NGFR: variants seen among roughly 807,000 people sequenced by gnomAD.
The protein encoded by NGFR is tumor necrosis factor receptor superfamily member 16.
NGFR carries 30 observed loss-of-function variants against 43.2 expected under a neutral mutation model. The observed-to-expected ratio is 0.69, with a 90% CI of 0.52 to 0.94. The LOEUF is 0.94. Among genes scored for constraint, NGFR ranks in the 40% least tolerant of loss-of-function variants. NGFR has a pLI of 0.00. For missense variants in NGFR, 529 were observed against 602.5 expected, an observed-to-expected ratio of 0.88 and a Z score of 1.28; for synonymous variants, 246 against 259.6, an observed-to-expected ratio of 0.95 and a Z score of 0.50.
rs2071237848 is a variant in NGFR, at chr17:49,512,177, A to G, written c.982+125A>G. 3 of 1,199,960 alleles carry G rather than the reference A, an allele frequency of 2.5e-6. No homozygotes were observed. The highest frequency in any genetic ancestry group is 1.5e-5 in the African/African-American group (1 of 65,032). The allele number at this position is 1,199,960 out of a possible 1,614,324, so 74.3% of individuals were successfully genotyped here. ...GGCTGGCTCAGCGGTGCCCCTGTAG[A>G]TGGATGGAGAGGCTGGCCGAGGGGA... On this transcript the variant is annotated intron_variant, in intron 5 of 5. Transcript: ENST00000172229. The surrounding 1 kb of genome is among the most constrained non-coding windows in gnomAD (Gnocchi z 5.2).
chr17:49,500,460 T>G (rs2071161578), intron 1 of NGFR, among the ~76,000 whole-genome samples: 1 of 152,164 alleles, frequency 6.6e-6, no homozygotes, highest in South Asian at 2.1e-4. Context: ...AGGGAGTCTA[T>G]AAAGTTCAGG....
chr17:49,499,690 C>G (rs1023215346), intron 1 of NGFR, among the ~76,000 whole-genome samples: 1 of 152,128 alleles, frequency 6.6e-6, no homozygotes, highest in Non-Finnish European at 1.5e-5. Context: ...TGGGTTCAAG[C>G]GATTCTCCTG....
At chr17:49,508,112 G>T (rs950089599) in intron 3 of NGFR, among the ~76,000 whole-genome samples, 2 of 152,258 alleles carry the variant, frequency 1.3e-5, no homozygotes, top group Non-Finnish European at 2.9e-5. Context: ...GTAGGATGTG[G>T]TGGTTCTGTT....
chr17:49,498,451 A>C (rs2071150816), intron 1 of NGFR, among the ~76,000 whole-genome samples: 1 of 152,178 alleles, frequency 6.6e-6, no homozygotes, highest in Non-Finnish European at 1.5e-5. Flanking sequence ...AAGGCCCTCC[A>C]GGTGTTTGAA....
intron 3 of NGFR, among the ~76,000 whole-genome samples, chr17:49,506,926 G>A (rs2071203331): frequency 6.6e-6 from 1 of 152,186 alleles, no homozygotes; most frequent in African/African-American, 2.4e-5. Flanking sequence ...CAGCGTCCCA[G>A]GCCGCGGGTA....
intron 3 of NGFR, among the ~76,000 whole-genome samples, chr17:49,509,402 G>A (rs1175758781): frequency 6.6e-6 from 1 of 152,192 alleles, no homozygotes; most frequent in African/African-American, 2.4e-5. Context: ...GACGGGGTAG[G>A]CAACATTGCC....
chr17:49,503,979 G>A (rs2071181956), intron 2 of NGFR, among the ~76,000 whole-genome samples: 1 of 152,148 alleles, frequency 6.6e-6, no homozygotes, highest in Non-Finnish European at 1.5e-5. Context: ...CAGGCAGAGA[G>A]GTGGCTTTGA....
Position 49,510,605 on chromosome 17 carries a change from C to G in NGFR, c.762C>G (p.Val254=). 6.2e-7 allele frequency: 1 copy of G among 1,614,000 alleles called. No homozygotes were observed. Among genetic ancestry groups the G allele is most frequent in the Non-Finnish European group, 8.5e-7 (1 of 1,179,958 alleles). Residue 254 remains valine (V), a synonymous_variant, in exon 4 of 6, where the codon GTC becomes GTG. Coordinates refer to ENST00000172229, the MANE Select transcript of NGFR (RefSeq NM_002507.4). Reference sequence around the variant, plus strand: ...GCACCACCGACAACCTCATCCCTGTCTATTGCTCCATCCTGGCTGCTGTGG... The same window carrying G: ...GCACCACCGACAACCTCATCCCTGTGTATTGCTCCATCCTGGCTGCTGTGG... ...TRGTTDNLIP[V]YCSILAAVVV...
At chr17:49,502,008 C>G (rs1043327134) in intron 1 of NGFR, 55 bp from the exon 2 acceptor site, 4 of 743,072 alleles carry the variant, frequency 5.4e-6, no homozygotes, top group Non-Finnish European at 7.7e-6. Context: ...GAACCCCCCC[C>G]AACCCACCCC....
At chr17:49,496,870 C>T (rs541599436) in intron 1 of NGFR, 42 of 152,346 alleles carry the variant, frequency 2.8e-4, no homozygotes, top group African/African-American at 9.9e-4. Flanking sequence ...ACGAGATTGT[C>T]AGATGTGGCC....
chr17:49,501,916 C>A (rs2071168607), intron 1 of NGFR, 147 bp from the exon 2 acceptor site: 2 of 710,830 alleles, frequency 2.8e-6, no homozygotes, highest in African/African-American at 1.8e-5. Flanking sequence ...TTTGATGTTC[C>A]TAACGCCTCC....
chr17:49,512,589 C>A lies in NGFR; in HGVS notation c.983-119C>A. On this transcript the variant is annotated intron_variant, in intron 5 of 5. Coordinates refer to ENST00000172229, the MANE Select transcript of NGFR (RefSeq NM_002507.4). The surrounding 1 kb of genome is among the most constrained non-coding windows in gnomAD (Gnocchi z 5.2). ...GCCCCACCCAGGACCTTGTCTTGGC[C>A]CCAGGCCTCCAGATGGGGAGGAGCA... The A allele has an allele frequency of 7.5e-7, 1 of 1,327,846 alleles. No homozygotes were observed. The highest frequency in any genetic ancestry group is 1.0e-6 in the Non-Finnish European group (1 of 969,928). The allele number at this position is 1,327,846 out of a possible 1,614,324, so 82.3% of individuals were successfully genotyped here.
At chr17:49,510,380 TG>T (rs1238345440) in intron 3 of NGFR, 31 bp from the exon 4 acceptor site, 2 of 1,606,098 alleles carry the variant, frequency 1.2e-6, no homozygotes, top group African/African-American at 2.7e-5. Flanking sequence ...GTGGGGGAAG[TG>T]GGTCCTCACT....
In NGFR at chr17:49,506,336, G is replaced by A. The variant is rs1434649393; in HGVS notation, c.246G>A (p.Pro82=). Residue 82 remains proline, a synonymous_variant, in exon 3 of 6, where the codon CCG becomes CCA. Transcript: ENST00000172229. ...TFSDVVSATE[P]CKPCTECVGL... Reference sequence around the variant, plus strand: ...CCGACGTGGTGAGCGCGACCGAGCCGTGCAAGCCGTGCACCGAGTGCGTGG... The same window carrying A: ...CCGACGTGGTGAGCGCGACCGAGCCATGCAAGCCGTGCACCGAGTGCGTGG... The A allele has an allele frequency of 2.5e-6, 4 of 1,583,246 alleles. No individual in the cohort carries two copies. Among genetic ancestry groups the A allele is most frequent in the South Asian group, 1.1e-5 (1 of 89,892 alleles).
intron 1 of NGFR, 63 bp from the exon 2 acceptor site, chr17:49,502,000 A>AGGGGCCCCCCCCCCCC: frequency 1.9e-5 from 5 of 264,886 alleles, no homozygotes; most frequent in Non-Finnish European, 3.2e-5. Context: ...CCCCGGAAGA[A>AGGGGCCCCCCCCCCCC]CCCCCCCCAA....
In NGFR at chr17:49,512,561, G is replaced by A; in HGVS notation, c.983-147G>A. 9.6e-7 allele frequency: 1 copy of A among 1,041,710 alleles called. No homozygotes were observed. Among genetic ancestry groups the A allele is most frequent in the Non-Finnish European group, 1.4e-6 (1 of 719,900 alleles). The allele number at this position is 1,041,710 out of a possible 1,614,324, so 64.5% of individuals were successfully genotyped here. A position where few individuals can be genotyped will look rare whatever the true frequency, so the allele number is the denominator to read the frequency against. On this transcript the variant is annotated intron_variant, in intron 5 of 5. Coordinates refer to ENST00000172229, the MANE Select transcript of NGFR (RefSeq NM_002507.4). The surrounding 1 kb of genome is among the most constrained non-coding windows in gnomAD (Gnocchi z 5.2). ...GTCCCCCCAGGTGCCTTCACTTCCTGGTGCCCCACCCAGGACCTTGTCTTG... is the reference window on the plus strand; with the variant it reads ...GTCCCCCCAGGTGCCTTCACTTCCTAGTGCCCCACCCAGGACCTTGTCTTG...
Position 49,512,165 on chromosome 17 carries a change from G to A in NGFR, c.982+113G>A. ...GGGGGGCGGCAGGGCTGGCTCAGCG[G>A]TGCCCCTGTAGATGGATGGAGAGGC... On this transcript the variant is annotated intron_variant, in intron 5 of 5. Transcript: ENST00000172229. This position sits in a 1 kb window ranked among gnomAD's most constrained non-coding sequence, Gnocchi z 5.2. 2 of 1,334,110 alleles carry A rather than the reference G, an allele frequency of 1.5e-6. No individual in the cohort carries two copies. Among genetic ancestry groups the A allele is most frequent in the South Asian group, 2.9e-5 (2 of 68,542 alleles). The allele number at this position is 1,334,110 out of a possible 1,614,324, so 82.6% of individuals were successfully genotyped here.
rs1285389840 is a variant in NGFR at position 49,511,884 on chromosome 17, G to A, written c.822-8G>A. On this transcript the variant is annotated splice_polypyrimidine_tract_variant and splice_region_variant and intron_variant, in intron 4 of 5. Coordinates refer to ENST00000172229, the MANE Select transcript of NGFR (RefSeq NM_002507.4). ...CCCCCTGAAACCTGGCCTGTCCTCT[G>A]GCTCCAGGTGGAACAGCTGCAAGCA... 3 of 1,598,492 alleles carry A rather than the reference G, an allele frequency of 1.9e-6. No individual in the cohort carries two copies. The highest frequency in any genetic ancestry group is 2.6e-6 in the Non-Finnish European group (3 of 1,172,132).
chr17:49,506,352 G>C lies in NGFR; in HGVS notation c.262G>C (p.Glu88Gln), dbSNP rs1010649165. 3.8e-6 allele frequency: 6 copies of C among 1,592,922 alleles called. No homozygotes were observed. In the African/African-American group the frequency reaches 4.0e-5, roughly 11 times the overall value. Residue 88 changes from glutamate (E) to glutamine (Q), a missense_variant, in exon 3 of 6, where the codon GAG (glutamate) becomes CAG (glutamine). Glu to Gln is a conservative substitution (Grantham distance 29). Transcript: ENST00000172229. ...GACCGAGCCGTGCAAGCCGTGCACC[G>C]AGTGCGTGGGGCTCCAGAGCATGTC... Reference protein sequence around the residue: ...SATEPCKPCTECVGLQSMSAP... With the variant: ...SATEPCKPCTQCVGLQSMSAP...
Sources: allele counts gnomAD v4.1 joint callset (sites outside exome capture counted in the v4.1 genomes callset), GRCh38; gene constraint gnomAD v4.1.1; non-coding constraint Gnocchi (gnomAD v3.1); transcripts MANE v1.5; gene names NCBI Gene and HGNC (gene_info 2026-07-23, HGNC 2026-07-21).